CCDC134: variants seen among roughly 807,000 people sequenced by gnomAD.
CCDC134 encodes the protein coiled-coil domain containing 134.
A neutral mutation model predicts 25.6 loss-of-function variants in CCDC134; 27 were observed. The observed-to-expected ratio is 1.05, with a 90% CI of 0.78 to 1.45. The LOEUF (loss-of-function observed/expected upper bound fraction) is 1.45. Among genes scored for constraint, CCDC134 ranks in the 40% most tolerant of loss-of-function variants. The pLI is 0.00. For synonymous variants in CCDC134, 110 were observed against 115.0 expected (o/e 0.96, Z 0.28); for missense variants, 261 against 286.7 (o/e 0.91, Z 0.65).
intron 2 of CCDC134, 137 bp downstream of exon 2, chr22:41,809,130 T>G: frequency 1.5e-6 from 1 of 666,814 alleles, no homozygotes; most frequent in Non-Finnish European, 2.6e-6. Flanking sequence ...AGCCAGACCT[T>G]GAGCAAGTCA....
rs1056841136 is a variant in CCDC134, at chr22:41,828,742, A to G, written c.*2919A>G. 3.3e-5 allele frequency among the ~76,000 whole-genome samples: 5 copies of G among 152,176 alleles called. No homozygotes were observed. The highest frequency in any genetic ancestry group is 1.3e-4 in the Admixed American group (2 of 15,280). On this transcript the variant is annotated 3_prime_UTR_variant, in exon 7 of 7. Coordinates refer to ENST00000255784, the MANE Select transcript of CCDC134 (RefSeq NM_024821.5). ...TTGCAGCTGGGATTGTTAGGTCACT[A>G]TAGCGCTACCAACTGCATATACCAC...
chr22:41,805,074 A>T (rs2076561645), intron 1 of CCDC134, among the ~76,000 whole-genome samples: 1 of 149,888 alleles, frequency 6.7e-6, no homozygotes. Flanking sequence ...GTCTCAAAAT[A>T]AAAAAAAAAG....
intron 4 of CCDC134, among the ~76,000 whole-genome samples, chr22:41,810,514 T>TG (rs1288939856): frequency 1.4e-3 from 196 of 143,238 alleles, no homozygotes; most frequent in Non-Finnish European, 2.0e-3. Context: ...TTTTTTTTTT[T>TG]GAGACAGAGT....
chr22:41,803,758 A>G (rs1480291482), intron 1 of CCDC134, among the ~76,000 whole-genome samples: 2 of 152,096 alleles, frequency 1.3e-5, no homozygotes, highest in Non-Finnish European at 2.9e-5. Flanking sequence ...ACAGAGTGAG[A>G]CTCTGTCTCC....
In CCDC134 at chr22:41,805,403, G is replaced by A. The variant is rs554130258; in HGVS notation, c.-16-3472G>A. ...GCCATGATTATACCACTGTACTCCA[G>A]AGGGAGACCCTGTCTAAAAAATAAA... On this transcript the variant is annotated intron_variant, in intron 1 of 6. Transcript: ENST00000255784. 2.6e-5 allele frequency among the ~76,000 whole-genome samples: 4 copies of A among 152,194 alleles called. 1 individual carries two copies. In the South Asian group the frequency reaches 8.3e-4, roughly 32 times the overall value.
chr22:41,813,377 T>A lies in CCDC134; in HGVS notation c.424T>A (p.Trp142Arg), dbSNP rs760176243. 1 of 1,614,164 alleles carries A rather than the reference T, an allele frequency of 6.2e-7. No individual in the cohort carries two copies. Among genetic ancestry groups the A allele is most frequent in the Non-Finnish European group, 8.5e-7 (1 of 1,180,034 alleles). Residue 142 changes from tryptophan to arginine, a missense_variant, in exon 5 of 7, where the codon TGG becomes AGG. Transcript: ENST00000255784. ...HNSNWNLLIR[W>R]GISFCNQTGV... Reference sequence around the variant, plus strand: ...CTCCAACTGGAACCTCCTCATCCGCTGGGGTATCAGTTTCTGCAACCAGAC... The same window carrying A: ...CTCCAACTGGAACCTCCTCATCCGCAGGGGTATCAGTTTCTGCAACCAGAC...
At chr22:41,807,330 A>G (rs2076572597) in intron 1 of CCDC134, among the ~76,000 whole-genome samples, 1 of 152,206 alleles carries the variant, frequency 6.6e-6, no homozygotes. Context: ...TGGGAGGCCA[A>G]GATGGGTGGA....
chr22:41,829,338 C>T lies in CCDC134; in HGVS notation c.*3515C>T, dbSNP rs2076694363. ...TCTCTCTTCCGGATTCTTCTTTCCT[C>T]ACCTGCCCCCGTTTGCATGAAGTTT... On this transcript the variant is annotated 3_prime_UTR_variant, in exon 7 of 7. Transcript: ENST00000255784. Among the ~76,000 whole-genome samples, 1 of 152,214 alleles carries T rather than the reference C, an allele frequency of 6.6e-6. No homozygotes were observed. Among genetic ancestry groups the T allele is most frequent in the Non-Finnish European group, 1.5e-5 (1 of 68,038 alleles).
intron 6 of CCDC134, among the ~76,000 whole-genome samples, chr22:41,820,879 T>C (rs977618904): frequency 2.0e-5 from 3 of 152,098 alleles, no homozygotes; most frequent in Non-Finnish European, 4.4e-5. Flanking sequence ...GTGAGAGCCA[T>C]GCCTATGTAG....
intron 6 of CCDC134, among the ~76,000 whole-genome samples, chr22:41,818,780 C>T (rs571082700): frequency 1.3e-5 from 2 of 152,334 alleles, no homozygotes; most frequent in African/African-American, 2.4e-5. Flanking sequence ...AGAACAGCCA[C>T]GGCCTTCCGT....
chr22:41,813,729 A>T, intron 5 of CCDC134, 22 bp from the exon 6 acceptor site: 2 of 1,609,876 alleles, frequency 1.2e-6, no homozygotes. Context: ...GCAGATGATG[A>T]CTAGTGTTTC....
chr22:41,820,202 T>G (rs1197186267), intron 6 of CCDC134, among the ~76,000 whole-genome samples: 1 of 151,158 alleles, frequency 6.6e-6, no homozygotes, highest in South Asian at 2.1e-4. Context: ...TTCACCATAT[T>G]AGCCAGGATC....
chr22:41,825,248 C>T lies in CCDC134; in HGVS notation c.565-450C>T, dbSNP rs1338861688. Among the ~76,000 whole-genome samples, 2 of 151,844 alleles carry T rather than the reference C, an allele frequency of 1.3e-5. No individual in the cohort carries two copies. Among genetic ancestry groups the T allele is most frequent in the Non-Finnish European group, 2.9e-5 (2 of 67,926 alleles). ...CCTGGGTTGCAGTTGAAGAATGCCC[C>T]CACGCCACCCCCTACCGCCAATGAA... On this transcript the variant is annotated intron_variant, in intron 6 of 6. Transcript: ENST00000255784. This position sits in a 1 kb window ranked among gnomAD's most constrained non-coding sequence, Gnocchi z 4.4.
intron 2 of CCDC134, 113 bp downstream of exon 2, chr22:41,809,106 A>G: frequency 2.5e-6 from 2 of 816,164 alleles, no homozygotes; most frequent in Non-Finnish European, 3.9e-6. Flanking sequence ...CAGGGAGAAA[A>G]GGTGAGGTGC....
intron 3 of CCDC134, 102 bp from the exon 4 acceptor site, chr22:41,810,105 C>T (rs2076587280): frequency 4.4e-6 from 7 of 1,591,830 alleles, no homozygotes; most frequent in Non-Finnish European, 6.0e-6. Context: ...GACAGGGGAA[C>T]TGCGCACACG....
At chr22:41,816,077 T>C (rs2076621554) in intron 6 of CCDC134, among the ~76,000 whole-genome samples, 2 of 152,132 alleles carry the variant, frequency 1.3e-5, no homozygotes. Flanking sequence ...ACCACCCACA[T>C]AAGAGAGTTT....
chr22:41,817,143 A>C (rs1336358563), intron 6 of CCDC134, among the ~76,000 whole-genome samples: 1 of 152,158 alleles, frequency 6.6e-6, no homozygotes, highest in African/African-American at 2.4e-5. Flanking sequence ...AAGTGGTCAC[A>C]ATCCTAACAA....
Position 41,826,020 on chromosome 22 carries a change from C to G in CCDC134, c.*197C>G. ...AGATGGCTGGATTTTCTCTCAGGGG[C>G]CTCCTGCTGAAGGGGCCTTCAGAGG... On this transcript the variant is annotated 3_prime_UTR_variant, in exon 7 of 7. Coordinates refer to ENST00000255784, the MANE Select transcript of CCDC134 (RefSeq NM_024821.5). 1.5e-6 allele frequency: 1 copy of G among 651,652 alleles called. No homozygotes were observed. The highest frequency in any genetic ancestry group is 2.6e-6 in the Non-Finnish European group (1 of 382,530). 40.4% of individuals were successfully genotyped at this position (651,652 alleles called of 1,614,324 possible).
chr22:41,804,496 GA>G (rs944801506), intron 1 of CCDC134, among the ~76,000 whole-genome samples: 78 of 152,316 alleles, frequency 5.1e-4, no homozygotes, highest in African/African-American at 1.8e-3. Flanking sequence ...TCTAATAACA[GA>G]TGTACTATAG....
Sources: gnomAD v4.1 joint callset for allele counts (sites outside exome capture counted in the v4.1 genomes callset) on GRCh38, gnomAD v4.1.1 for gene constraint, Gnocchi (gnomAD v3.1) non-coding constraint, MANE v1.5 for transcripts, NCBI Gene and HGNC (gene_info 2026-07-23, HGNC 2026-07-21) for gene names.